ARFIP1: variants seen among roughly 807,000 people sequenced by gnomAD.
ARFIP1 encodes the protein arfaptin-1.
A neutral mutation model predicts 42.5 loss-of-function variants in ARFIP1; 24 were observed. The observed-to-expected ratio is 0.57, with a 90% CI of 0.41 to 0.80. The LOEUF is 0.80. ARFIP1 is among the 30% of genes least tolerant of loss of function. The probability of loss-of-function intolerance (pLI) is 0.00; values close to 1 mark genes in which losing one functional copy is unlikely to be tolerated. For missense variants in ARFIP1, 354 were observed against 434.0 expected, an observed-to-expected ratio of 0.82 and a Z score of 1.64; for synonymous variants, 141 against 153.7, an observed-to-expected ratio of 0.92 and a Z score of 0.61.
Position 152,909,824 on chromosome 4 carries a change from G to A in ARFIP1, c.967-240G>A, listed in dbSNP as rs73863304. Among the ~76,000 whole-genome samples, 672 of 152,242 alleles carry A rather than the reference G, an allele frequency of 4.4e-3. 4 individuals are homozygous for A. Among genetic ancestry groups the A allele is most frequent in the African/African-American group, 0.015 (630 of 41,532 alleles). ...CAATAATGTTTGAAAATGGTTAATA[G>A]GGTATATATTTGGGCATCTTAAAAC... On this transcript the variant is annotated intron_variant, in intron 8 of 8. Transcript: ENST00000353617.
chr4:152,872,651 T>C, intron 5 of ARFIP1, 87 bp downstream of exon 5: 1 of 660,934 alleles, frequency 1.5e-6, no homozygotes, highest in Non-Finnish European at 2.4e-6. Context: ...TGCAATTAAA[T>C]GCACATAGAG....
intron 1 of ARFIP1, among the ~76,000 whole-genome samples, chr4:152,815,467 C>T (rs1482466378): frequency 6.6e-6 from 1 of 152,194 alleles, no homozygotes; most frequent in African/African-American, 2.4e-5. Flanking sequence ...TTTGTCTGGA[C>T]CTCAGGCTCA....
intron 8 of ARFIP1, among the ~76,000 whole-genome samples, 192 bp from the exon 9 acceptor site, chr4:152,909,868 GTAAT>G (rs1380343132): frequency 6.6e-6 from 1 of 152,156 alleles, no homozygotes. Context: ...TCTCTTTAGG[GTAAT>G]TAAAAAGTCA....
At chr4:152,904,809 G>A (rs1738168753) in intron 8 of ARFIP1, among the ~76,000 whole-genome samples, 1 of 152,116 alleles carries the variant, frequency 6.6e-6, no homozygotes, top group Non-Finnish European at 1.5e-5. Context: ...GGGCATTTGG[G>A]TTGATTCCAT....
At chr4:152,789,808 A>G (rs1419076862) in intron 1 of ARFIP1, among the ~76,000 whole-genome samples, 2 of 152,166 alleles carry the variant, frequency 1.3e-5, no homozygotes, top group East Asian at 3.9e-4. Flanking sequence ...TACTCCTGTC[A>G]TTGTGAGACT....
At chr4:152,837,154 C>T (rs1026102873) in intron 2 of ARFIP1, among the ~76,000 whole-genome samples, 2 of 151,990 alleles carry the variant, frequency 1.3e-5, no homozygotes, top group African/African-American at 4.8e-5. Context: ...ATATATACAC[C>T]ACAGTTTCTT....
intron 2 of ARFIP1, among the ~76,000 whole-genome samples, chr4:152,862,510 A>G (rs993982938): frequency 1.5e-4 from 23 of 152,048 alleles, no homozygotes; most frequent in Non-Finnish European, 3.2e-4. Context: ...TATAGGCTCT[A>G]TACTTGTACC....
chr4:152,870,806 A>G lies in ARFIP1; in HGVS notation c.256A>G (p.Ser86Gly). 6.2e-7 allele frequency: 1 copy of G among 1,614,066 alleles called. No individual in the cohort carries two copies. Among genetic ancestry groups the G allele is most frequent in the Non-Finnish European group, 8.5e-7 (1 of 1,179,944 alleles). ...SVMSPSRVAA[S>G]RLAQQGSDLI... is the part of the protein sequence containing the mutation. The stretch of plus-strand genomic sequence containing the variant: ...TATGTCTCCTAGCAGGGTTGCAGCT[A>G]GTCGACTGGCTCAGCAAGGAAGTGA... The change falls in exon 4 of 9, where the codon AGT becomes GGT. Residue 86 changes from serine (S) to glycine (G), a missense_variant. By Grantham distance (56) the Ser-to-Gly change is moderately conservative. Transcript: ENST00000353617.
chr4:152,832,199 A>G (rs930228055), intron 2 of ARFIP1, among the ~76,000 whole-genome samples: 13 of 152,216 alleles, frequency 8.5e-5, no homozygotes, highest in Non-Finnish European at 5.9e-5. Flanking sequence ...ACCAGCTGGC[A>G]ACACCAGCAA....
rs1735781953 is a variant in ARFIP1 at position 152,880,828 on chromosome 4, A to T, written c.412-135A>T. ...TGAATTTACTTTCTGAGTCCTGATC[A>T]AGTAAGGGAGCTGACAATTTTCAGT... On this transcript the variant is annotated intron_variant, in intron 5 of 8. Transcript: ENST00000353617. The T allele has an allele frequency of 1.1e-5, 7 of 645,468 alleles. No homozygotes were observed. In the East Asian group the frequency reaches 1.9e-4, roughly 17 times the overall value. 40.0% of individuals were successfully genotyped at this position (645,468 alleles called of 1,614,324 possible). A position where few individuals can be genotyped will look rare whatever the true frequency, so the allele number is the denominator to read the frequency against.
intron 1 of ARFIP1, among the ~76,000 whole-genome samples, chr4:152,818,867 C>G (rs186332870): frequency 1.3e-5 from 2 of 152,154 alleles, no homozygotes; most frequent in Non-Finnish European, 2.9e-5. Context: ...CTCCTTCCCA[C>G]GCAGATTCTT....
At chr4:152,845,187 T>C (rs1460340692) in intron 2 of ARFIP1, among the ~76,000 whole-genome samples, 2 of 152,170 alleles carry the variant, frequency 1.3e-5, no homozygotes, top group Non-Finnish European at 2.9e-5. Flanking sequence ...ACTGCTATCT[T>C]TCACCGTATA....
In ARFIP1 at chr4:152,820,812, A is replaced by G. The variant is rs151247687; in HGVS notation, c.-9-8813A>G. On this transcript the variant is annotated intron_variant, in intron 1 of 8. Coordinates refer to ENST00000353617, the MANE Select transcript of ARFIP1 (RefSeq NM_001025595.3). ...CCAAACCATATCACACACCCAGCACATTTCTCCTGCGACTGGCATCTGGCA... is the reference window on the plus strand; with the variant it reads ...CCAAACCATATCACACACCCAGCACGTTTCTCCTGCGACTGGCATCTGGCA... 4.5e-3 allele frequency among the ~76,000 whole-genome samples: 692 copies of G among 152,234 alleles called. 11 individuals are homozygous for G. The highest frequency in any genetic ancestry group is 0.016 in the African/African-American group (655 of 41,534).
intron 8 of ARFIP1, among the ~76,000 whole-genome samples, chr4:152,907,564 T>C (rs1190614770): frequency 1.3e-5 from 2 of 152,230 alleles, no homozygotes; most frequent in African/African-American, 4.8e-5. Context: ...GTTTTCTTTA[T>C]AGTTTTGCCA....
intron 1 of ARFIP1, among the ~76,000 whole-genome samples, chr4:152,823,205 A>G (rs1027458751): frequency 2.6e-5 from 4 of 152,196 alleles, no homozygotes; most frequent in African/African-American, 9.6e-5. Flanking sequence ...GGAAATGAAA[A>G]TGGAGACATT....
chr4:152,862,471 A>G (rs10084868), intron 2 of ARFIP1, among the ~76,000 whole-genome samples: 103,602 of 151,772 alleles, frequency 0.68, 35,771 homozygotes, highest in African/African-American at 0.77. Flanking sequence ...AAGGATAACT[A>G]TCTTTGGAGA....
At chr4:152,870,165 G>A (rs973891700) in intron 3 of ARFIP1, among the ~76,000 whole-genome samples, 1 of 152,192 alleles carries the variant, frequency 6.6e-6, no homozygotes, top group South Asian at 2.1e-4. Flanking sequence ...TCTAACAAGC[G>A]TCCAGGTGAA....
chr4:152,872,589 C>T, intron 5 of ARFIP1, 25 bp downstream of exon 5: 3 of 1,373,332 alleles, frequency 2.2e-6, no homozygotes, highest in Non-Finnish European at 3.0e-6. Flanking sequence ...AATGTTTCCA[C>T]CCTAAATGGC....
At chr4:152,781,670 G>A (rs914520820) in intron 1 of ARFIP1, among the ~76,000 whole-genome samples, 18 of 152,164 alleles carry the variant, frequency 1.2e-4, no homozygotes, top group Non-Finnish European at 5.9e-5. Flanking sequence ...CATGACCCAC[G>A]TCTTCTCCCA....
Sources: allele counts gnomAD v4.1 joint callset (sites outside exome capture counted in the v4.1 genomes callset), GRCh38; gene constraint gnomAD v4.1.1; transcripts MANE v1.5; gene names NCBI Gene and HGNC (gene_info 2026-07-23, HGNC 2026-07-21).